The following CDC42SE2 variants were observed in gnomAD, a reference collection of about 807,000 sequenced individuals.
CDC42SE2 encodes the protein CDC42 small effector protein 2.
Under a neutral mutation model 11.5 loss-of-function variants are expected in CDC42SE2, and 3 were observed. The ratio of observed to expected loss-of-function variants is 0.26; its 90% confidence interval spans 0.12 to 0.67. CDC42SE2 has a LOEUF of 0.67. Ranked by LOEUF, CDC42SE2 falls within the 30% of genes least tolerant of loss-of-function variation. The pLI, the probability that CDC42SE2 is intolerant of heterozygous loss-of-function variation, is 0.80. For missense variants in CDC42SE2, 82 were observed against 106.8 expected (o/e 0.77, Z 1.02); for synonymous variants, 33 against 34.8 (o/e 0.95, Z 0.18).
chr5:131,325,537 G>A (rs892160215), intron 2 of CDC42SE2, among the ~76,000 whole-genome samples: 82 of 151,306 alleles, frequency 5.4e-4, no homozygotes, highest in African/African-American at 2.0e-3. Context: ...ATTGAGTGTG[G>A]TAAACTTCCT....
At chr5:131,247,385 G>A (rs1013764547) in intron 1 of CDC42SE2, among the ~76,000 whole-genome samples, 3 of 152,132 alleles carry the variant, frequency 2.0e-5, no homozygotes, top group Non-Finnish European at 4.4e-5. Context: ...TTGGGAGGCC[G>A]AGGCGAGTGG....
At chr5:131,368,275 A>T (rs921367314) in intron 3 of CDC42SE2, among the ~76,000 whole-genome samples, 27 of 148,146 alleles carry the variant, frequency 1.8e-4, no homozygotes, top group Non-Finnish European at 3.3e-4. Context: ...AAAAAAAAAG[A>T]AGTCTTTCCC....
intron 2 of CDC42SE2, among the ~76,000 whole-genome samples, chr5:131,347,913 A>G (rs1181859756): frequency 1.3e-5 from 2 of 152,256 alleles, no homozygotes; most frequent in African/African-American, 4.8e-5. Flanking sequence ...TTATCTCAAT[A>G]GATGCAGAAA....
chr5:131,223,747 CT>C, the CDC42SE2 span, among the ~76,000 whole-genome samples: 12 of 152,198 alleles, frequency 7.9e-5, no homozygotes, highest in Non-Finnish European at 1.8e-4. Context: ...ACTTTCCCCT[CT>C]ATCTACTGCC....
At chr5:131,336,150 T>G (rs1470370722) in intron 2 of CDC42SE2, among the ~76,000 whole-genome samples, 2 of 152,228 alleles carry the variant, frequency 1.3e-5, no homozygotes, top group African/African-American at 2.4e-5. Flanking sequence ...AGGAGCTCTT[T>G]TAGGGCAGGC....
At chr5:131,358,204 T>C (rs1199832080) in intron 2 of CDC42SE2, among the ~76,000 whole-genome samples, 3 of 152,194 alleles carry the variant, frequency 2.0e-5, no homozygotes, top group Non-Finnish European at 4.4e-5. Flanking sequence ...TATCAAACTG[T>C]CTATTGGACA....
chr5:131,304,432 T>G (rs1407158456), intron 1 of CDC42SE2, among the ~76,000 whole-genome samples: 1 of 152,208 alleles, frequency 6.6e-6, no homozygotes, highest in Admixed American at 6.5e-5. Context: ...GCAGTTAGAT[T>G]GGATCTGTTT....
At chr5:131,283,155 G>T (rs1385522336) in intron 1 of CDC42SE2, among the ~76,000 whole-genome samples, 1 of 151,510 alleles carries the variant, frequency 6.6e-6, no homozygotes. Flanking sequence ...TCGAACTCCT[G>T]ACCTCAGGTG....
At chr5:131,292,310 G>A (rs1409762345) in intron 1 of CDC42SE2, among the ~76,000 whole-genome samples, 1 of 148,854 alleles carries the variant, frequency 6.7e-6, no homozygotes, top group East Asian at 2.0e-4. Flanking sequence ...GCTCACATCT[G>A]TAATCCCAGC....
chr5:131,240,984 G>GC (rs1756536061), upstream of CDC42SE2, among the ~76,000 whole-genome samples: 1 of 147,692 alleles, frequency 6.8e-6, no homozygotes, highest in Admixed American at 6.8e-5. Context: ...TTTTGTTTTT[G>GC]TTTTTGTTTT....
the CDC42SE2 span, among the ~76,000 whole-genome samples, chr5:131,219,845 G>A: frequency 6.6e-6 from 1 of 152,124 alleles, no homozygotes; most frequent in East Asian, 1.9e-4. Flanking sequence ...GCTAAGATGG[G>A]AGAATCACTT....
chr5:131,262,695 A>C (rs564998371), upstream of CDC42SE2, among the ~76,000 whole-genome samples: 2 of 152,266 alleles, frequency 1.3e-5, no homozygotes, highest in Admixed American at 1.3e-4. Flanking sequence ...ACCCACATAT[A>C]TCCTCCTGTA....
At chr5:131,369,210 T>A (rs1187623277) in intron 3 of CDC42SE2, among the ~76,000 whole-genome samples, 1 of 152,236 alleles carries the variant, frequency 6.6e-6, no homozygotes, top group Non-Finnish European at 1.5e-5. Context: ...CGTTTTCTTC[T>A]TTCATCCAAT....
chr5:131,222,578 A>T, the CDC42SE2 span, among the ~76,000 whole-genome samples: 1 of 152,358 alleles, frequency 6.6e-6, no homozygotes, highest in Admixed American at 6.5e-5. Context: ...ACATAAAATG[A>T]ATGGAGGTGG....
intron 1 of CDC42SE2, among the ~76,000 whole-genome samples, chr5:131,291,425 C>T (rs1470814954): frequency 6.6e-6 from 1 of 152,092 alleles, no homozygotes; most frequent in Non-Finnish European, 1.5e-5. Context: ...TTACTATCCA[C>T]TCGGAATTGA....
intron 2 of CDC42SE2, among the ~76,000 whole-genome samples, chr5:131,352,733 G>A (rs970645898): frequency 2.0e-5 from 3 of 152,090 alleles, no homozygotes; most frequent in African/African-American, 7.2e-5. Flanking sequence ...AGTTTGAGAC[G>A]GATTTAGTGC....
intron 1 of CDC42SE2, among the ~76,000 whole-genome samples, chr5:131,271,502 A>T (rs952256651): frequency 5.5e-4 from 83 of 152,190 alleles, no homozygotes; most frequent in African/African-American, 2.0e-3. Context: ...ATACAGGTGG[A>T]TGTGCCTAGG....
intron 3 of CDC42SE2, among the ~76,000 whole-genome samples, chr5:131,363,003 G>C (rs972994361): frequency 1.3e-5 from 2 of 152,036 alleles, no homozygotes; most frequent in Non-Finnish European, 2.9e-5. Context: ...AAATTAGCCG[G>C]TGTGATGTTA....
intron 1 of CDC42SE2, among the ~76,000 whole-genome samples, chr5:131,272,216 C>T (rs1757008522): frequency 6.6e-6 from 1 of 151,718 alleles, no homozygotes; most frequent in Non-Finnish European, 1.5e-5. Flanking sequence ...GGTTTCACCA[C>T]GTTGGACAGG....
Sources: gnomAD v4.1 joint callset for allele counts (sites outside exome capture counted in the v4.1 genomes callset) on GRCh38, gnomAD v4.1.1 for gene constraint, MANE v1.5 for transcripts, NCBI Gene and HGNC (gene_info 2026-07-23, HGNC 2026-07-21) for gene names.